The following OPRM1 variants were observed in gnomAD, a reference collection of about 807,000 sequenced individuals.
OPRM1 encodes the protein opioid receptor mu 1, also known as mu-type opioid receptor.
OPRM1 carries 27 observed loss-of-function variants against 31.8 expected under a neutral mutation model. That is an observed-to-expected ratio of 0.85 (90% confidence interval 0.63 to 1.17). OPRM1 has a LOEUF of 1.17. OPRM1 is among the 50% of genes most tolerant of loss of function. The probability of loss-of-function intolerance (pLI) is 0.00; values close to 1 mark genes in which losing one functional copy is unlikely to be tolerated. For missense variants in OPRM1, 536 were observed against 511.1 expected (o/e 1.05, Z -0.47); for synonymous variants, 196 against 189.9 (o/e 1.03, Z -0.26).
chr6:154,010,959 C>T (rs2128374188), exon 1 of OPRM1: 2 of 1,296,312 alleles, frequency 1.5e-6, no homozygotes, highest in Non-Finnish European at 2.0e-6. Context: ...CTCTGATATC[C>T]TCTCACACTG....
At chr6:154,179,715 T>A (rs1172190835) in intron 3 of OPRM1, among the ~76,000 whole-genome samples, 2 of 152,168 alleles carry the variant, frequency 1.3e-5, no homozygotes, top group African/African-American at 2.4e-5. Flanking sequence ...ATTTTATGGA[T>A]GAGAAAAATA....
chr6:154,046,277 A>G (rs925224909), intron 1 of OPRM1, among the ~76,000 whole-genome samples: 3 of 152,184 alleles, frequency 2.0e-5, no homozygotes, highest in Admixed American at 6.5e-5. Flanking sequence ...GGATTTAGGA[A>G]AGGCTTTTTT....
At chr6:154,151,139 C>T (rs1344459600) in intron 3 of OPRM1, among the ~76,000 whole-genome samples, 1 of 152,226 alleles carries the variant, frequency 6.6e-6, no homozygotes, top group Non-Finnish European at 1.5e-5. Flanking sequence ...CCAAGGAGCG[C>T]CCATCTCTCT....
At chr6:154,108,612 T>A in intron 3 of OPRM1, 1 of 196,414 alleles carries the variant, frequency 5.1e-6, no homozygotes, top group Non-Finnish European at 9.2e-6. Context: ...CAGCAAAGAG[T>A]GCAAGACAGA....
intron 1 of OPRM1, among the ~76,000 whole-genome samples, chr6:154,061,864 C>G (rs1191664147): frequency 1.3e-5 from 2 of 151,598 alleles, no homozygotes; most frequent in Admixed American, 6.6e-5. Flanking sequence ...TATGTTGACT[C>G]AATGTTGACA....
At chr6:154,042,406 ACTTC>A (rs1780259564) in intron 1 of OPRM1, among the ~76,000 whole-genome samples, 1 of 152,316 alleles carries the variant, frequency 6.6e-6, no homozygotes, top group South Asian at 2.1e-4. Flanking sequence ...AGAAATGTTC[ACTTC>A]CTTCCCTATT....
chr6:154,192,026 G>C (rs1324321573), intron 3 of OPRM1, among the ~76,000 whole-genome samples: 1 of 152,096 alleles, frequency 6.6e-6, no homozygotes, highest in African/African-American at 2.4e-5. Flanking sequence ...TAAAACAATG[G>C]AGTACTATAA....
At chr6:154,038,118 A>G (rs565465009), upstream of OPRM1, among the ~76,000 whole-genome samples, 199 of 152,316 alleles carry the variant, frequency 1.3e-3, no homozygotes, top group African/African-American at 4.6e-3. Flanking sequence ...CCTATGAGTT[A>G]TCTGTTTCTA....
At chr6:154,018,539 A>G (rs180997257) in intron 1 of OPRM1, among the ~76,000 whole-genome samples, 24 of 144,738 alleles carry the variant, frequency 1.7e-4, no homozygotes, top group Non-Finnish European at 2.9e-4. Context: ...GGCCCTGCAT[A>G]TCAAAAATGT....
At chr6:154,218,541 T>A (rs190787763) in intron 3 of OPRM1, among the ~76,000 whole-genome samples, 145 of 152,272 alleles carry the variant, frequency 9.5e-4, no homozygotes, top group African/African-American at 3.3e-3. Context: ...ACACCTCTCA[T>A]CTTACCAAGT....
At chr6:154,030,234 T>TA in intron 1 of OPRM1, among the ~76,000 whole-genome samples, 1 of 151,870 alleles carries the variant, frequency 6.6e-6, no homozygotes, top group East Asian at 1.9e-4. Flanking sequence ...GATATATTAA[T>TA]ACGTTTATGA....
intron 1 of OPRM1, among the ~76,000 whole-genome samples, chr6:154,054,396 C>A (rs62436462): frequency 3.5e-5 from 5 of 142,894 alleles, no homozygotes; most frequent in African/African-American, 7.8e-5. Context: ...AAAAAGGAAA[C>A]CCGCCTAAGG....
intron 1 of OPRM1, among the ~76,000 whole-genome samples, chr6:154,081,968 C>T (rs1445390853): frequency 2.6e-5 from 4 of 152,200 alleles, no homozygotes; most frequent in Admixed American, 2.6e-4. Context: ...AGTTCCTTTC[C>T]TGCAGCAGGA....
intron 1 of OPRM1, among the ~76,000 whole-genome samples, chr6:154,023,867 G>A (rs1218419114): frequency 6.6e-6 from 1 of 151,648 alleles, no homozygotes; most frequent in Non-Finnish European, 1.5e-5. Context: ...ATTTGTGTAT[G>A]CTTTGAATCC....
chr6:154,216,382 C>T (rs1778394030), intron 3 of OPRM1, among the ~76,000 whole-genome samples: 2 of 151,844 alleles, frequency 1.3e-5, no homozygotes, highest in Non-Finnish European at 2.9e-5. Context: ...GTAATTGTGC[C>T]TTTGAAATTA....
At position 154,125,025 on chromosome 6, in the gene OPRM1, C is replaced by T. The variant is rs1010615340; in HGVS notation, c.*6304C>T. On this transcript the variant is annotated 3_prime_UTR_variant, in exon 4 of 4. Coordinates refer to ENST00000330432, the MANE Select transcript of OPRM1 (RefSeq NM_000914.5). ...GGCCACAGCCAAGCACAAGCAGCTA[C>T]ATTAGACAGTTTTACAGCTCTGTAT... 5.3e-5 allele frequency among the ~76,000 whole-genome samples: 8 copies of T among 152,052 alleles called. No individual in the cohort carries two copies. Among genetic ancestry groups the T allele is most frequent in the African/African-American group, 1.9e-4 (8 of 41,308 alleles).
intron 3 of OPRM1, among the ~76,000 whole-genome samples, chr6:154,143,609 AG>A (rs1230537663): frequency 6.6e-6 from 1 of 152,174 alleles, no homozygotes; most frequent in African/African-American, 2.4e-5. Flanking sequence ...CCCCTCCAAA[AG>A]TCCCCATGTT....
At chr6:154,235,851 C>T (rs1259749980) in intron 3 of OPRM1, among the ~76,000 whole-genome samples, 1 of 152,170 alleles carries the variant, frequency 6.6e-6, no homozygotes, top group Non-Finnish European at 1.5e-5. Flanking sequence ...GTGATGGTAC[C>T]TCACAGCCAT....
rs138095118 is a variant in OPRM1, at chr6:154,040,223, A to C, written c.290+389A>C. On this transcript the variant is annotated intron_variant, in intron 1 of 3. Transcript: ENST00000330432. ...CTATGGAAAGAGTAAGTTGTGAATA[A>C]TGGGAGAGAAATTCTAGTTAGCTTT... Among the ~76,000 whole-genome samples, 827 of 152,158 alleles carry C rather than the reference A, an allele frequency of 5.4e-3. 4 individuals carry two copies. Among genetic ancestry groups the C allele is most frequent in the African/African-American group, 0.019 (777 of 41,524 alleles).
Sources: allele counts gnomAD v4.1 joint callset (sites outside exome capture counted in the v4.1 genomes callset), GRCh38; gene constraint gnomAD v4.1.1; transcripts MANE v1.5; gene names NCBI Gene and HGNC (gene_info 2026-07-23, HGNC 2026-07-21).